The following GSE1 variants were observed in gnomAD, a reference collection of about 807,000 sequenced individuals.
The protein encoded by GSE1 is Gse1 coiled-coil protein.
In GSE1, 32 loss-of-function variants were observed where a neutral mutation model predicts 112.6. That is an observed-to-expected ratio of 0.28 (90% CI 0.21 to 0.38). GSE1 has a LOEUF of 0.38. GSE1 is among the 10% of genes least tolerant of loss of function. GSE1 has a pLI of 1.00. For synonymous variants in GSE1, 1,115 were observed against 735.6 expected (o/e 1.52, Z -8.35); for missense variants, 2,348 against 1,699.2 (o/e 1.38, Z -6.71).
intron 1 of GSE1, among the ~76,000 whole-genome samples, chr16:85,175,108 A>G (rs1395528967): frequency 6.6e-6 from 1 of 152,236 alleles, no homozygotes; most frequent in African/African-American, 2.4e-5. Context: ...GCTTTAAAAC[A>G]CAAGAGGAAA....
At chr16:85,378,088 C>T (rs371578758) in intron 2 of GSE1, among the ~76,000 whole-genome samples, 8 of 152,292 alleles carry the variant, frequency 5.3e-5, no homozygotes, top group African/African-American at 1.7e-4. Context: ...CCCCCACCCC[C>T]ATCCCCCGCC....
At chr16:85,620,218 C>T (rs1309355133) in intron 1 of GSE1, among the ~76,000 whole-genome samples, 3 of 152,130 alleles carry the variant, frequency 2.0e-5, no homozygotes, top group Admixed American at 6.5e-5. Flanking sequence ...CCCCGGAGCT[C>T]GAGGCTGCCT....
chr16:85,188,793 C>T (rs2074761774), intron 1 of GSE1, among the ~76,000 whole-genome samples: 1 of 148,184 alleles, frequency 6.7e-6, no homozygotes, highest in Admixed American at 6.8e-5. Flanking sequence ...AGAGTGGGAC[C>T]TTATCTCTAT....
chr16:85,543,241 C>T (rs2044586106), intron 2 of GSE1, among the ~76,000 whole-genome samples: 2 of 151,834 alleles, frequency 1.3e-5, no homozygotes, highest in African/African-American at 2.4e-5. Context: ...TCTCCTTTGC[C>T]TTGCTTTTCC....
chr16:85,641,744 A>G (rs1219442571), intron 2 of GSE1, among the ~76,000 whole-genome samples: 1 of 152,180 alleles, frequency 6.6e-6, no homozygotes, highest in Non-Finnish European at 1.5e-5. Context: ...GGGGTCTGCT[A>G]TTCCCGTTCC....
rs1010725971 is a variant in GSE1 at position 85,671,185 on chromosome 16, G to C, written c.3519+87G>C. The C allele has an allele frequency of 2.8e-5, 22 of 773,874 alleles. No individual in the cohort carries two copies. The African/African-American group carries it at 3.6e-4, about 13-fold the overall frequency. The allele number at this position is 773,874 out of a possible 1,614,324, so 47.9% of individuals were successfully genotyped here. A position where few individuals can be genotyped will look rare whatever the true frequency, so the allele number is the denominator to read the frequency against. On this transcript the variant is annotated intron_variant, in intron 15 of 15. Transcript: ENST00000253458. ...ACCCATGCAGATAAGTTTCAGAGAG[G>C]AAATGTGCTCTTAAGAGATCAAAAT...
chr16:85,246,257 A>G (rs7198208), intron 1 of GSE1, among the ~76,000 whole-genome samples: 58,005 of 97,684 alleles, frequency 0.59, 15,561 homozygotes, highest in East Asian at 0.88. Flanking sequence ...CACGCTGTCT[A>G]CACACACACA....
At chr16:85,604,626 A>C (rs774421561) in intron 1 of GSE1, among the ~76,000 whole-genome samples, 33 of 146,092 alleles carry the variant, frequency 2.3e-4, no homozygotes, top group Admixed American at 5.6e-4. Flanking sequence ...TGATTTGATA[A>C]TTTTTAAAGA....
At chr16:85,613,281 G>A (rs1399395875), upstream of GSE1, 1 of 1,538,716 alleles carries the variant, frequency 6.5e-7, no homozygotes, top group East Asian at 2.6e-5. Context: ...TCCCCAGCGG[G>A]CCCGAGCTGC....
chr16:85,361,287 GCAGAGACACA>G (rs1422229940), intron 2 of GSE1, among the ~76,000 whole-genome samples: 1 of 122,350 alleles, frequency 8.2e-6, no homozygotes, highest in Non-Finnish European at 1.6e-5. Flanking sequence ...GCACACAAGG[GCAGAGACACA>G]CAGAGACAGG....
At chr16:85,312,441 G>C (rs1393946489) in intron 1 of GSE1, among the ~76,000 whole-genome samples, 1 of 152,168 alleles carries the variant, frequency 6.6e-6, no homozygotes, top group Non-Finnish European at 1.5e-5. Context: ...TTGGCTCATG[G>C]CTGTATTGCC....
chr16:85,613,075 C>A, upstream of GSE1: 1 of 569,072 alleles, frequency 1.8e-6, no homozygotes, highest in Non-Finnish European at 2.7e-6. Context: ...TGTGCCTGGG[C>A]GGGTGGATCC....
At chr16:85,610,501 G>A (rs1332610961), upstream of GSE1, among the ~76,000 whole-genome samples, 1 of 152,246 alleles carries the variant, frequency 6.6e-6, no homozygotes, top group Non-Finnish European at 1.5e-5. Flanking sequence ...CCTCGTTAGC[G>A]AGGAGCGCGC....
At chr16:85,474,655 C>G (rs145096519) in intron 2 of GSE1, among the ~76,000 whole-genome samples, 1 of 141,616 alleles carries the variant, frequency 7.1e-6, no homozygotes, top group African/African-American at 2.6e-5. Flanking sequence ...CTCTTGCCCC[C>G]CCTCTTCCCC....
chr16:85,290,465 C>A (rs2045176168), intron 1 of GSE1, among the ~76,000 whole-genome samples: 1 of 152,158 alleles, frequency 6.6e-6, no homozygotes, highest in Non-Finnish European at 1.5e-5. Flanking sequence ...CTCTAGGGGG[C>A]AAGGAGCATG....
At position 85,184,552 on chromosome 16, in the gene GSE1, A is replaced by C. The variant is rs188776157; in HGVS notation, c.2283+12745A>C. Among the ~76,000 whole-genome samples the C allele has an allele frequency of 2.9e-4, 44 of 152,294 alleles. 1 individual carries two copies. The East Asian group carries it at 7.3e-3, about 25-fold the overall frequency. ...GAGCTCCTTTTCTCTAAAATACTGCATGGGAGGGATTATTATCCCTACTTT... is the reference window on the plus strand; with the variant it reads ...GAGCTCCTTTTCTCTAAAATACTGCCTGGGAGGGATTATTATCCCTACTTT... On this transcript the variant is annotated intron_variant, in intron 1 of 2. Coordinates refer to the GSE1 transcript ENST00000637419.
At chr16:85,632,136 G>T (rs1323542247) in intron 1 of GSE1, among the ~76,000 whole-genome samples, 1 of 152,200 alleles carries the variant, frequency 6.6e-6, no homozygotes, top group African/African-American at 2.4e-5. Context: ...CAGGATGGGG[G>T]TGCAGGTCCC....
intron 2 of GSE1, among the ~76,000 whole-genome samples, chr16:85,639,258 C>A (rs948455220): frequency 6.6e-6 from 1 of 152,226 alleles, no homozygotes; most frequent in African/African-American, 2.4e-5. Context: ...CCAGACTCCT[C>A]GGGTGGCACC....
At chr16:85,554,140 T>G (rs1417746878), upstream of GSE1, among the ~76,000 whole-genome samples, 21 of 151,986 alleles carry the variant, frequency 1.4e-4, no homozygotes, top group Non-Finnish European at 1.5e-5. Flanking sequence ...AAGAGGCAGC[T>G]TTGCAGCGTG....
Sources: allele counts gnomAD v4.1 joint callset (sites outside exome capture counted in the v4.1 genomes callset), GRCh38; gene constraint gnomAD v4.1.1; transcripts MANE v1.5; gene names NCBI Gene and HGNC (gene_info 2026-07-23, HGNC 2026-07-21).